The following ZNF143 variants were observed in gnomAD, a reference collection of about 807,000 sequenced individuals.
ZNF143 encodes SPH-binding factor.
A neutral mutation model predicts 74.1 loss-of-function variants in ZNF143; 49 were observed. The observed-to-expected ratio is 0.66, with a 90% confidence interval of 0.53 to 0.84. ZNF143 has a LOEUF of 0.84. Ranked by LOEUF, ZNF143 falls within the 40% of genes least tolerant of loss-of-function variation. ZNF143 has a pLI of 0.00. For missense variants in ZNF143, 637 were observed against 793.4 expected (o/e 0.80, Z 2.37); for synonymous variants, 304 against 282.8 (o/e 1.07, Z -0.75).
At chr11:9,525,738 AAC>A (rs1361459436) in intron 15 of ZNF143, among the ~76,000 whole-genome samples, 3 of 152,212 alleles carry the variant, frequency 2.0e-5, no homozygotes, top group African/African-American at 7.2e-5. Context: ...ACCTAGTGGA[AAC>A]ACAAATCCTA....
chr11:9,474,505 A>G (rs373809776), intron 4 of ZNF143, 45 bp from the exon 5 acceptor site: 24 of 1,589,200 alleles, frequency 1.5e-5, no homozygotes, highest in Non-Finnish European at 2.0e-5. Context: ...GTTAATTGGA[A>G]TGTGCTAGAA....
Position 9,508,617 on chromosome 11 carries a change from A to C in ZNF143, c.1148-2A>C. The C allele has an allele frequency of 6.2e-7, 1 of 1,608,710 alleles. No individual in the cohort carries two copies. Among genetic ancestry groups the C allele is most frequent in the Non-Finnish European group, 8.5e-7 (1 of 1,179,106 alleles). Reference sequence around the variant, plus strand: ...GAACTTTTTTTTGGTGTTGCTCTTTAGGAGAAAAGCCATATGTTTGTACAG... The same window carrying C: ...GAACTTTTTTTTGGTGTTGCTCTTTCGGAGAAAAGCCATATGTTTGTACAG... On this transcript the variant is annotated splice_acceptor_variant, in intron 11 of 15. Coordinates refer to ENST00000396602, the MANE Select transcript of ZNF143 (RefSeq NM_003442.6). LOFTEE classifies it high-confidence loss of function.
At chr11:9,509,630 T>G (rs1011158087) in intron 12 of ZNF143, among the ~76,000 whole-genome samples, 1 of 152,200 alleles carries the variant, frequency 6.6e-6, no homozygotes, top group Non-Finnish European at 1.5e-5. Context: ...ACAACATATA[T>G]TGAAGCATTG....
chr11:9,472,005 C>T (rs1279517034), intron 2 of ZNF143, among the ~76,000 whole-genome samples: 3 of 150,952 alleles, frequency 2.0e-5, no homozygotes, highest in Non-Finnish European at 2.9e-5. Flanking sequence ...TCACGGCTCA[C>T]TGTAGCCTCA....
At chr11:9,511,102 C>CTTTTTTTTTT (rs777285359) in intron 12 of ZNF143, among the ~76,000 whole-genome samples, 7 of 70,744 alleles carry the variant, frequency 9.9e-5, no homozygotes, top group Non-Finnish European at 1.6e-4. Context: ...TTAACAGCTT[C>CTTTTTTTTTT]TTTTTTTTTT....
intron 11 of ZNF143, among the ~76,000 whole-genome samples, chr11:9,505,769 C>T (rs760997685): frequency 1.3e-5 from 2 of 149,902 alleles, no homozygotes; most frequent in Non-Finnish European, 3.0e-5. Context: ...ATCCCAGCTA[C>T]TTGGGAGACT....
chr11:9,510,270 G>T (rs1043888020), intron 12 of ZNF143, among the ~76,000 whole-genome samples: 12 of 151,638 alleles, frequency 7.9e-5, no homozygotes, highest in African/African-American at 2.7e-4. Context: ...GACTACAGGC[G>T]CCCGCCACCA....
chr11:9,478,216 T>C (rs1847094100), intron 5 of ZNF143, among the ~76,000 whole-genome samples, 174 bp from the exon 6 acceptor site: 1 of 152,242 alleles, frequency 6.6e-6, no homozygotes, highest in African/African-American at 2.4e-5. Flanking sequence ...AGGCAGTAAA[T>C]GTACCTGCCT....
chr11:9,497,456 C>G (rs372729509), intron 9 of ZNF143, among the ~76,000 whole-genome samples: 1 of 152,160 alleles, frequency 6.6e-6, no homozygotes, highest in East Asian at 1.9e-4. Context: ...AGCTCGAACT[C>G]CTGACTTCAG....
intron 7 of ZNF143, 58 bp downstream of exon 7, chr11:9,479,604 T>A (rs1847159689): frequency 2.8e-6 from 4 of 1,437,178 alleles, no homozygotes; most frequent in Non-Finnish European, 3.9e-6. Flanking sequence ...TGCCCTTCTG[T>A]GGATGAAAGC....
At chr11:9,503,951 C>CTTTTT (rs35371465) in intron 11 of ZNF143, among the ~76,000 whole-genome samples, 2 of 53,088 alleles carry the variant, frequency 3.8e-5, no homozygotes, top group African/African-American at 6.0e-5. Context: ...CACGCCTTGC[C>CTTTTT]TTTTTTTTTT....
In ZNF143 at chr11:9,500,516, C is replaced by G. The variant is rs1848122137; in HGVS notation, c.968-575C>G. On this transcript the variant is annotated intron_variant, in intron 10 of 15. Coordinates refer to ENST00000396602, the MANE Select transcript of ZNF143 (RefSeq NM_003442.6). ...CGGTGTAATCTCGGCTCACTGCAAC[C>G]TCCGCCTCTTGAGTTCAAGCGATTC... 3.3e-5 allele frequency among the ~76,000 whole-genome samples: 5 copies of G among 151,940 alleles called. No individual in the cohort carries two copies. The South Asian group carries it at 1.0e-3, about 32-fold the overall frequency.
chr11:9,475,897 CAA>C (rs143515065), intron 5 of ZNF143, among the ~76,000 whole-genome samples: 8 of 142,818 alleles, frequency 5.6e-5, no homozygotes, highest in Non-Finnish European at 7.5e-5. Flanking sequence ...GACCCTGTCT[CAA>C]AAAAATATAT....
At chr11:9,499,276 A>T (rs1848072823) in intron 10 of ZNF143, among the ~76,000 whole-genome samples, 1 of 152,234 alleles carries the variant, frequency 6.6e-6, no homozygotes, top group East Asian at 1.9e-4. Context: ...GAATCAGAGT[A>T]GTAATACAGT....
intron 1 of ZNF143, 97 bp downstream of exon 1, chr11:9,461,173 G>A (rs1454552119): frequency 3.9e-6 from 3 of 763,616 alleles, no homozygotes; most frequent in Admixed American, 6.3e-5. Flanking sequence ...CCCGGGCTCC[G>A]GCTCCCGCTG....
intron 14 of ZNF143, among the ~76,000 whole-genome samples, chr11:9,524,751 G>C (rs999092732): frequency 6.6e-6 from 1 of 152,178 alleles, no homozygotes; most frequent in Non-Finnish European, 1.5e-5. Flanking sequence ...AAATGAGTAT[G>C]AGATGAGATG....
intron 1 of ZNF143, among the ~76,000 whole-genome samples, chr11:9,464,427 C>T (rs913797929): frequency 1.3e-5 from 2 of 152,030 alleles, no homozygotes; most frequent in African/African-American, 4.8e-5. Flanking sequence ...ATGGTGAAAC[C>T]CTGTCTCTAC....
At chr11:9,482,513 G>A (rs1329207973) in intron 7 of ZNF143, among the ~76,000 whole-genome samples, 1 of 151,358 alleles carries the variant, frequency 6.6e-6, no homozygotes, top group African/African-American at 2.5e-5. Flanking sequence ...CTCATGATCC[G>A]CCCACCTCGG....
intron 11 of ZNF143, among the ~76,000 whole-genome samples, chr11:9,504,571 A>G (rs1347211113): frequency 7.9e-6 from 1 of 126,090 alleles, no homozygotes; most frequent in Non-Finnish European, 1.9e-5. Context: ...AAGGCAGGAT[A>G]TGCATTAGTT....
Sources: allele counts gnomAD v4.1 joint callset (sites outside exome capture counted in the v4.1 genomes callset), GRCh38; gene constraint gnomAD v4.1.1; transcripts MANE v1.5; gene names NCBI Gene and HGNC (gene_info 2026-07-23, HGNC 2026-07-21).